Variants in MAP2 observed in about 807,000 individuals in gnomAD.
MAP2 encodes microtubule associated protein 2, also known as microtubule-associated protein 2.
In MAP2, 14 loss-of-function variants were observed where a neutral mutation model predicts 137.6. That is an observed-to-expected ratio of 0.10 (90% CI 0.07 to 0.16). The LOEUF (loss-of-function observed/expected upper bound fraction) is 0.16, where lower values mean the gene tolerates loss of function less well. Ranked by LOEUF, MAP2 falls within the 10% of genes least tolerant of loss-of-function variation. MAP2 has a pLI of 1.00. For missense variants in MAP2, 2,088 were observed against 2,191.5 expected (o/e 0.95, Z 0.94); for synonymous variants, 786 against 782.3 (o/e 1.00, Z -0.08).
At position 209,732,115 on chromosome 2, in the gene MAP2, T is replaced by TGAACC. The variant is rs1298922489; in HGVS notation, c.*1719_*1723dup. The TGAACC allele has an allele frequency of 6.6e-6, 1 of 152,238 alleles. No individual in the cohort carries two copies. Among genetic ancestry groups the TGAACC allele is most frequent in the East Asian group, 1.9e-4 (1 of 5,202 alleles). 9.4% of individuals were successfully genotyped at this position (152,238 alleles called of 1,614,324 possible). A position where few individuals can be genotyped will look rare whatever the true frequency, so the allele number is the denominator to read the frequency against. ...TTGCTCAGGGCTGGTAGGTTGGATC[T>TGAACC]GAACCATTAAAATCAAATGGTCCAC... is the stretch of plus-strand genomic sequence containing the variant. On this transcript the variant is annotated 3_prime_UTR_variant, in exon 16 of 16. Coordinates refer to ENST00000682079, the MANE Select transcript of MAP2 (RefSeq NM_001375505.1).
intron 2 of MAP2, among the ~76,000 whole-genome samples, chr2:209,575,753 CT>C (rs1293637917): frequency 6.6e-6 from 1 of 152,106 alleles, no homozygotes; most frequent in Non-Finnish European, 1.5e-5. Context: ...GTTTTAGGTG[CT>C]TTGGATACCA....
chr2:209,625,407 T>C (rs1237039177), intron 4 of MAP2, among the ~76,000 whole-genome samples: 2 of 152,188 alleles, frequency 1.3e-5, no homozygotes, highest in African/African-American at 4.8e-5. Flanking sequence ...CCTGCCTTGG[T>C]TGACAATGCC....
chr2:209,506,932 G>C (rs1576590666), intron 1 of MAP2, among the ~76,000 whole-genome samples: 1 of 152,164 alleles, frequency 6.6e-6, no homozygotes, highest in Admixed American at 6.5e-5. Context: ...AAGCAGTGAA[G>C]TTCAAGATCA....
intron 2 of MAP2, among the ~76,000 whole-genome samples, chr2:209,518,678 G>T (rs1022444220): frequency 1.3e-5 from 2 of 151,970 alleles, no homozygotes; most frequent in Non-Finnish European, 2.9e-5. Context: ...TTCATCATGA[G>T]ATTTTTCATT....
At chr2:209,649,589 C>G (rs902802181) in intron 4 of MAP2, among the ~76,000 whole-genome samples, 10 of 152,034 alleles carry the variant, frequency 6.6e-5, no homozygotes, top group African/African-American at 2.2e-4. Context: ...AAACTTTTCC[C>G]TAAAACAGAG....
intron 2 of MAP2, among the ~76,000 whole-genome samples, chr2:209,544,337 A>G (rs947627594): frequency 2.0e-5 from 3 of 152,158 alleles, no homozygotes; most frequent in African/African-American, 7.2e-5. Flanking sequence ...AATCTTAAAC[A>G]TGACAAGAAT....
At chr2:209,446,047 G>A (rs552176608) in intron 1 of MAP2, among the ~76,000 whole-genome samples, 4 of 151,748 alleles carry the variant, frequency 2.6e-5, no homozygotes, top group South Asian at 2.1e-4. Flanking sequence ...GGTTTTGGGG[G>A]TAGTTGTTTA....
chr2:209,597,646 A>G (rs1195566948), intron 3 of MAP2, among the ~76,000 whole-genome samples: 2 of 152,324 alleles, frequency 1.3e-5, no homozygotes, highest in East Asian at 3.9e-4. Context: ...AGTGCAGAAT[A>G]AACTGTGCCA....
At position 209,696,755 on chromosome 2, in the gene MAP2, T is replaced by G; in HGVS notation, c.4387+7T>G. 1 of 1,598,160 alleles carries G rather than the reference T, an allele frequency of 6.3e-7. No homozygotes were observed. The highest frequency in any genetic ancestry group is 8.5e-7 in the Non-Finnish European group (1 of 1,175,428). On this transcript the variant is annotated splice_region_variant and intron_variant, in intron 9 of 15. Transcript: ENST00000682079. ...GAAGTGAGAAGGAAAAAAGGTTCAT[T>G]TAACAATCACTTCTTTAAAAATGTT...
chr2:209,655,268 G>T (rs2095070267), intron 5 of MAP2, among the ~76,000 whole-genome samples: 1 of 152,162 alleles, frequency 6.6e-6, no homozygotes, highest in African/African-American at 2.4e-5. Context: ...GATTACAAAG[G>T]TTTTGTCTGT....
chr2:209,512,858 C>T (rs779630313), intron 2 of MAP2, among the ~76,000 whole-genome samples: 44 of 152,022 alleles, frequency 2.9e-4, no homozygotes, highest in Non-Finnish European at 4.3e-4. Context: ...CTATGTTGCC[C>T]AGGCTGGTCT....
chr2:209,654,201 A>G (rs2094988667), intron 5 of MAP2, among the ~76,000 whole-genome samples: 1 of 152,256 alleles, frequency 6.6e-6, no homozygotes, highest in South Asian at 2.1e-4. Context: ...TATCTGTCAA[A>G]CACTGCCTGA....
chr2:209,658,625 G>A (rs1429231056), intron 5 of MAP2, among the ~76,000 whole-genome samples: 2 of 151,898 alleles, frequency 1.3e-5, no homozygotes, highest in African/African-American at 4.8e-5. Flanking sequence ...TCTTGCCTCA[G>A]CCTCCAGAGT....
At chr2:209,503,467 C>A (rs1042855485) in intron 1 of MAP2, among the ~76,000 whole-genome samples, 1 of 152,006 alleles carries the variant, frequency 6.6e-6, no homozygotes, top group South Asian at 2.1e-4. Flanking sequence ...GTGTCATATT[C>A]AAAAAATCAT....
chr2:209,693,816 G>T lies in MAP2; in HGVS notation c.1646G>T (p.Gly549Val). 6.2e-7 allele frequency: 1 copy of T among 1,614,096 alleles called. No homozygotes were observed. The highest frequency in any genetic ancestry group is 1.1e-5 in the South Asian group (1 of 91,056). ...MRVDDKDKIE[G>V]VGAATSAELD... ...GTTGATGACAAAGATAAGATTGAAG[G>T]AGTTGGAGCTGCAACATCAGCTGAG... The change falls in exon 8 of 16, where the codon GGA (glycine) becomes GTA (valine). Residue 549 changes from glycine (G) to valine (V), a missense_variant. Gly to Val is a moderately radical substitution (Grantham distance 109). Transcript: ENST00000682079.
chr2:209,435,974 A>G (rs1267094612), intron 1 of MAP2, among the ~76,000 whole-genome samples: 1 of 128,244 alleles, frequency 7.8e-6, no homozygotes, highest in Non-Finnish European at 1.6e-5. Flanking sequence ...ATTATATATA[A>G]TATATACAGT....
intron 2 of MAP2, among the ~76,000 whole-genome samples, chr2:209,531,828 C>A (rs973856639): frequency 6.6e-6 from 1 of 152,128 alleles, no homozygotes; most frequent in African/African-American, 2.4e-5. Context: ...TGCTCTTATG[C>A]AACCAATCTT....
At chr2:209,469,802 A>G (rs1390559659) in intron 1 of MAP2, among the ~76,000 whole-genome samples, 2 of 152,186 alleles carry the variant, frequency 1.3e-5, no homozygotes, top group Non-Finnish European at 1.5e-5. Context: ...TTTGTCTTTC[A>G]GCCACACACA....
rs143817530 is a variant in MAP2, at chr2:209,559,121, A to G, written c.-171-20915A>G. Among the ~76,000 whole-genome samples, 84 of 152,034 alleles carry G rather than the reference A, an allele frequency of 5.5e-4. No individual in the cohort carries two copies. The East Asian group carries it at 0.015, about 27-fold the overall frequency. On this transcript the variant is annotated intron_variant, in intron 2 of 15. Coordinates refer to ENST00000682079, the MANE Select transcript of MAP2 (RefSeq NM_001375505.1). Reference sequence around the variant, plus strand: ...TGGTGATTTTTTGTTTTTAAAGTTTATCATTCTTTCTGCCCTTACTAACTG... The same window carrying G: ...TGGTGATTTTTTGTTTTTAAAGTTTGTCATTCTTTCTGCCCTTACTAACTG...
Sources: gnomAD v4.1 joint callset for allele counts (sites outside exome capture counted in the v4.1 genomes callset) on GRCh38, gnomAD v4.1.1 for gene constraint, MANE v1.5 for transcripts, NCBI Gene and HGNC (gene_info 2026-07-23, HGNC 2026-07-21) for gene names.